The following INVS variants were observed in gnomAD, a reference collection of about 807,000 sequenced individuals.
INVS encodes the protein inversion of embryo turning homolog.
In INVS, 86 loss-of-function variants were observed where a neutral mutation model predicts 108.8. The observed-to-expected ratio is 0.79, with a 90% CI of 0.66 to 0.95. INVS has a LOEUF of 0.95. INVS is among the 40% of genes least tolerant of loss of function. The pLI is 0.00. For missense variants in INVS, 1,169 were observed against 1,297.4 expected, an observed-to-expected ratio of 0.90 and a Z score of 1.52; for synonymous variants, 455 against 473.5, an observed-to-expected ratio of 0.96 and a Z score of 0.51.
At chr9:100,196,663 A>G (rs1830383287) in intron 3 of INVS, among the ~76,000 whole-genome samples, 1 of 149,074 alleles carries the variant, frequency 6.7e-6, no homozygotes, top group Non-Finnish European at 1.5e-5. Flanking sequence ...ATGATTTTAT[A>G]TAATCATTAT....
At chr9:100,167,941 CTT>C (rs2119030853) in intron 3 of INVS, among the ~76,000 whole-genome samples, 1 of 152,268 alleles carries the variant, frequency 6.6e-6, no homozygotes, top group African/African-American at 2.4e-5. Context: ...GTTTTGCTAT[CTT>C]TCTTTTTCTT....
chr9:100,120,204 T>G (rs1237727493), intron 2 of INVS, among the ~76,000 whole-genome samples: 1 of 152,156 alleles, frequency 6.6e-6, no homozygotes, highest in Non-Finnish European at 1.5e-5. Context: ...GGGTTCAAAT[T>G]AAAAAGTAGA....
At chr9:100,239,767 T>C (rs1207323470) in intron 5 of INVS, among the ~76,000 whole-genome samples, 1 of 152,054 alleles carries the variant, frequency 6.6e-6, no homozygotes, top group Non-Finnish European at 1.5e-5. Context: ...AGCCTAGGAA[T>C]TCAAGACCAG....
At chr9:100,165,086 ATT>A (rs541110961) in intron 3 of INVS, among the ~76,000 whole-genome samples, 1 of 145,188 alleles carries the variant, frequency 6.9e-6, no homozygotes, top group African/African-American at 2.5e-5. Context: ...TTATTGTTCA[ATT>A]TTTTTTTTCT....
At position 100,292,706 on chromosome 9, in the gene INVS, G is replaced by C; in HGVS notation, c.2449G>C (p.Glu817Gln). 6.2e-7 allele frequency: 1 copy of C among 1,614,168 alleles called. No homozygotes were observed. Among genetic ancestry groups the C allele is most frequent in the Non-Finnish European group, 8.5e-7 (1 of 1,180,032 alleles). ...TAGCCGCCCTGGCAGTGCCCGGGGG[G>C]AGGCGGTCCATGCTGGGCAGAATCC... ...GSSRPGSARG[E>Q]AVHAGQNPPH... The change falls in exon 14 of 17, where the codon GAG becomes CAG. Residue 817 changes from glutamate to glutamine, a missense_variant. Around this residue, in one of 3 missense-constraint regions of INVS, gnomAD observed 533 missense variants for 536.0 expected, o/e 0.99. Transcript: ENST00000262457.
At chr9:100,105,850 C>CTTTTTTTTTT (rs543070811) in intron 2 of INVS, among the ~76,000 whole-genome samples, 59 of 63,822 alleles carry the variant, frequency 9.2e-4, no homozygotes, top group Admixed American at 1.3e-3. Context: ...GAAAAATTCC[C>CTTTTTTTTTT]TTTTTTTTTT....
At chr9:100,102,312 TG>T (rs1827021346) in intron 1 of INVS, among the ~76,000 whole-genome samples, 2 of 152,288 alleles carry the variant, frequency 1.3e-5, no homozygotes, top group African/African-American at 2.4e-5. Context: ...TTGGTCAGGC[TG>T]GTCTCTCAAA....
chr9:100,212,408 A>G lies in INVS; in HGVS notation c.274-13654A>G, dbSNP rs138805634. ...GTCTTCTGAGAAAACAGTTGAGACA[A>G]CTATTAATATAGATGCCTCATAAAT... On this transcript the variant is annotated intron_variant, in intron 3 of 16. Coordinates refer to ENST00000262457, the MANE Select transcript of INVS (RefSeq NM_014425.5). Among the ~76,000 whole-genome samples, 664 of 152,326 alleles carry G rather than the reference A, an allele frequency of 4.4e-3. 4 individuals carry two copies. Among genetic ancestry groups the G allele is most frequent in the African/African-American group, 0.015 (638 of 41,572 alleles).
At chr9:100,270,348 C>T (rs1390459528) in intron 11 of INVS, among the ~76,000 whole-genome samples, 2 of 151,974 alleles carry the variant, frequency 1.3e-5, no homozygotes, top group Non-Finnish European at 2.9e-5. Context: ...CAGTGGCTCA[C>T]ACCTATAATT....
rs570745205 is a variant in INVS at position 100,199,272 on chromosome 9, G to A, written c.274-26790G>A. 2.0e-4 allele frequency among the ~76,000 whole-genome samples: 31 copies of A among 152,118 alleles called. 1 individual carries two copies. The South Asian group carries it at 4.2e-3, about 20-fold the overall frequency. On this transcript the variant is annotated intron_variant, in intron 3 of 16. Transcript: ENST00000262457. ...CTATCTGTGTCTTTATATTTAAAGT[G>A]TATCTCTTGTAGACAACATAAGCAT...
intron 3 of INVS, among the ~76,000 whole-genome samples, chr9:100,200,090 G>A (rs1830493683): frequency 6.6e-6 from 1 of 152,034 alleles, no homozygotes; most frequent in South Asian, 2.1e-4. Flanking sequence ...TCCATGCTAT[G>A]ATTTTTACAT....
chr9:100,123,200 T>C (rs1827781062), intron 2 of INVS, among the ~76,000 whole-genome samples: 2 of 152,324 alleles, frequency 1.3e-5, no homozygotes, highest in Admixed American at 6.5e-5. Context: ...CAAATGATAT[T>C]AGAACACTTT....
chr9:100,262,638 TAAAAAA>T (rs58650063), intron 10 of INVS, among the ~76,000 whole-genome samples: 3 of 116,484 alleles, frequency 2.6e-5, no homozygotes, highest in Non-Finnish European at 3.4e-5. Flanking sequence ...CCTGGAGCAC[TAAAAAA>T]AAAAAAAAAA....
At chr9:100,233,067 A>G (rs1174422740) in intron 5 of INVS, among the ~76,000 whole-genome samples, 1 of 151,756 alleles carries the variant, frequency 6.6e-6, no homozygotes, top group Non-Finnish European at 1.5e-5. Context: ...AGGGAACTAC[A>G]ATGTGAAGAA....
In INVS at chr9:100,241,146, CT is replaced by C. The variant is rs372015988; in HGVS notation, c.796+914del. 2.5e-3 allele frequency among the ~76,000 whole-genome samples: 387 copies of C among 151,944 alleles called. 11 individuals are homozygous for C. The South Asian group carries it at 0.077, about 30-fold the overall frequency. On this transcript the variant is annotated intron_variant, in intron 6 of 16. Coordinates refer to ENST00000262457, the MANE Select transcript of INVS (RefSeq NM_014425.5). ...TCTTAGTTTTTAAATTACACATTAT[CT>C]TTTTTTTAAATGATGTTTATATGTG...
intron 10 of INVS, among the ~76,000 whole-genome samples, chr9:100,260,016 C>T (rs1486276176): frequency 6.6e-6 from 1 of 150,756 alleles, no homozygotes; most frequent in African/African-American, 2.4e-5. Context: ...GGATTACAGG[C>T]GCACACCACC....
intron 5 of INVS, among the ~76,000 whole-genome samples, chr9:100,234,894 G>A (rs1187452051): frequency 6.6e-6 from 1 of 152,174 alleles, no homozygotes; most frequent in Non-Finnish European, 1.5e-5. Flanking sequence ...TTGATCCATA[G>A]CTGAGTTCAA....
chr9:100,261,535 G>C (rs1005728817), intron 10 of INVS, among the ~76,000 whole-genome samples: 3 of 151,886 alleles, frequency 2.0e-5, no homozygotes, highest in Non-Finnish European at 4.4e-5. Context: ...CCAAAGTGCT[G>C]GGATTACAGG....
chr9:100,117,791 C>T (rs892035228), intron 2 of INVS: 6 of 476,498 alleles, frequency 1.3e-5, no homozygotes, highest in African/African-American at 4.1e-5. Flanking sequence ...AAACCCTAAC[C>T]CTCAATGTGA....
Sources: allele counts gnomAD v4.1 joint callset (sites outside exome capture counted in the v4.1 genomes callset), GRCh38; gene constraint gnomAD v4.1.1; regional missense constraint gnomAD v4.1.1; transcripts MANE v1.5; gene names NCBI Gene and HGNC (gene_info 2026-07-23, HGNC 2026-07-21).